Variants in CHD9 observed in about 807,000 individuals in gnomAD.
CHD9 encodes the protein chromodomain helicase DNA binding protein 9.
Under a neutral mutation model 316.1 loss-of-function variants are expected in CHD9, and 77 were observed. The observed-to-expected ratio is 0.24, with a 90% CI of 0.20 to 0.29. The LOEUF (loss-of-function observed/expected upper bound fraction) is 0.29, where lower values mean the gene tolerates loss of function less well. CHD9 is among the 10% of genes least tolerant of loss of function. CHD9 has a pLI of 1.00. For missense variants in CHD9, 2,763 were observed against 3,438.1 expected, an observed-to-expected ratio of 0.80 and a Z score of 4.91; for synonymous variants, 1,129 against 1,158.3, an observed-to-expected ratio of 0.97 and a Z score of 0.51.
chr16:53,211,079 G>T (rs774779910), intron 3 of CHD9, among the ~76,000 whole-genome samples: 47 of 151,854 alleles, frequency 3.1e-4, no homozygotes, highest in Non-Finnish European at 5.7e-4. Flanking sequence ...TATAATTAAG[G>T]GTTTCCAGTT....
chr16:53,314,625 A>G (rs2056742641), intron 35 of CHD9, 109 bp downstream of exon 35: 1 of 1,006,582 alleles, frequency 9.9e-7, no homozygotes, highest in Non-Finnish European at 1.4e-6. Flanking sequence ...TAAGGAAATT[A>G]GAAGTATGCC....
intron 3 of CHD9, among the ~76,000 whole-genome samples, chr16:53,221,499 T>C (rs1044591182): frequency 2.6e-5 from 4 of 152,224 alleles, no homozygotes; most frequent in Non-Finnish European, 5.9e-5. Flanking sequence ...AGTACGTTGC[T>C]GATTAATAAT....
In CHD9 at chr16:53,324,334, C is replaced by T. The variant is rs766161376; in HGVS notation, c.8133C>T (p.Phe2711=). The part of the protein sequence containing the change: ...GGEAKNMAAM[F]PMLLSGMAGL... ...AAGCTAAAAACATGGCTGCTATGTT[C>T]CCCATGCTGCTGTCAGGAATGGCTG... is the stretch of plus-strand genomic sequence containing the variant. The change falls in exon 39 of 39, where the codon TTC becomes TTT. Residue 2711 remains phenylalanine (F), a synonymous_variant. Coordinates refer to ENST00000447540, the MANE Select transcript of CHD9 (RefSeq NM_001308319.2). 6 of 1,613,944 alleles carry T rather than the reference C, an allele frequency of 3.7e-6. No individual in the cohort carries two copies. The Admixed American group carries it at 6.7e-5, about 18-fold the overall frequency.
intron 1 of CHD9, among the ~76,000 whole-genome samples, chr16:53,065,470 C>CA (rs977192844): frequency 7.9e-5 from 12 of 151,614 alleles, no homozygotes; most frequent in African/African-American, 2.9e-4. Flanking sequence ...CCCATCTCTA[C>CA]AAAAAAATTT....
intron 19 of CHD9, among the ~76,000 whole-genome samples, chr16:53,257,664 T>A (rs2050722030): frequency 6.6e-6 from 1 of 152,206 alleles, no homozygotes; most frequent in Non-Finnish European, 1.5e-5. Flanking sequence ...GGAGCTGTTG[T>A]ATTTATGACA....
chr16:53,178,191 C>CTGGG (rs2043215701), intron 2 of CHD9, among the ~76,000 whole-genome samples: 1 of 151,998 alleles, frequency 6.6e-6, no homozygotes, highest in Non-Finnish European at 1.5e-5. Flanking sequence ...AGAACCAGAC[C>CTGGG]CTCTAAATTG....
rs199718654 is a variant in CHD9, at chr16:53,225,301, GAAAAA to G, written c.1897-1063_1897-1059del. Among the ~76,000 whole-genome samples, 1,362 of 152,148 alleles carry G rather than the reference GAAAAA, an allele frequency of 9.0e-3. 14 individuals carry two copies. Among genetic ancestry groups the G allele is most frequent in the African/African-American group, 0.031 (1,289 of 41,512 alleles). On this transcript the variant is annotated intron_variant, in intron 4 of 38. Transcript: ENST00000447540. ...TAAATATATAGAAGAAATTGGACTA[GAAAAA>G]AGAAGAGATTTGCCAAATATTGAGC...
At chr16:53,175,576 T>C (rs2043045624) in intron 2 of CHD9, among the ~76,000 whole-genome samples, 1 of 152,262 alleles carries the variant, frequency 6.6e-6, no homozygotes, top group Non-Finnish European at 1.5e-5. Flanking sequence ...GCATAATGTT[T>C]CATAATATGG....
At chr16:53,263,646 A>G (rs923409716) in intron 20 of CHD9, among the ~76,000 whole-genome samples, 2 of 152,132 alleles carry the variant, frequency 1.3e-5, no homozygotes, top group African/African-American at 2.4e-5. Flanking sequence ...AGTCTTACCA[A>G]TTATCAAAAT....
intron 1 of CHD9, among the ~76,000 whole-genome samples, chr16:53,085,423 T>C (rs1270251865): frequency 6.6e-6 from 1 of 152,134 alleles, no homozygotes; most frequent in Admixed American, 6.5e-5. Flanking sequence ...TTGAGTTTCC[T>C]GACATCTGCC....
At chr16:53,307,032 G>A (rs750192398) in intron 32 of CHD9, among the ~76,000 whole-genome samples, 11 of 151,886 alleles carry the variant, frequency 7.2e-5, no homozygotes, top group Non-Finnish European at 1.0e-4. Flanking sequence ...CGCTTGCCTC[G>A]GCCTCCCAAA....
chr16:53,203,740 A>G (rs556194978), intron 2 of CHD9, among the ~76,000 whole-genome samples: 8 of 152,024 alleles, frequency 5.3e-5, no homozygotes, highest in Non-Finnish European at 8.8e-5. Flanking sequence ...TATGTCAAGT[A>G]GAGCCAGGCG....
chr16:53,318,374 T>G, intron 37 of CHD9, 34 bp downstream of exon 37: 1 of 1,516,614 alleles, frequency 6.6e-7, no homozygotes, highest in Non-Finnish European at 9.0e-7. Context: ...TCTTTTGTAT[T>G]GATTCAATAT....
At chr16:53,283,870 TCATC>T (rs1286750200) in intron 24 of CHD9, among the ~76,000 whole-genome samples, 4 of 152,188 alleles carry the variant, frequency 2.6e-5, no homozygotes, top group South Asian at 4.1e-4. Flanking sequence ...AAAGATCTCT[TCATC>T]CACTTCCTTA....
At chr16:53,241,177 C>A (rs1329438846) in intron 12 of CHD9, among the ~76,000 whole-genome samples, 1 of 152,060 alleles carries the variant, frequency 6.6e-6, no homozygotes, top group Non-Finnish European at 1.5e-5. Context: ...CCCAACTGTT[C>A]TTATCCCTTC....
chr16:53,201,889 T>C (rs1382331391), intron 2 of CHD9, among the ~76,000 whole-genome samples: 2 of 151,996 alleles, frequency 1.3e-5, no homozygotes, highest in Non-Finnish European at 2.9e-5. Context: ...AGGGTTTTGC[T>C]CTGTCACCCA....
chr16:53,057,812 CGCT>C (rs1447480720), intron 1 of CHD9, among the ~76,000 whole-genome samples: 3 of 152,184 alleles, frequency 2.0e-5, no homozygotes, highest in Non-Finnish European at 2.9e-5. Flanking sequence ...CAGGAGGACA[CGCT>C]GCTTTCTGGT....
At chr16:53,152,021 C>A (rs1488349156) in intron 1 of CHD9, among the ~76,000 whole-genome samples, 2 of 151,560 alleles carry the variant, frequency 1.3e-5, no homozygotes, top group African/African-American at 4.9e-5. Flanking sequence ...CACATACACA[C>A]GTGTGTGTGC....
At chr16:53,145,966 CA>C (rs1346389014) in intron 1 of CHD9, among the ~76,000 whole-genome samples, 1 of 151,838 alleles carries the variant, frequency 6.6e-6, no homozygotes, top group African/African-American at 2.4e-5. Flanking sequence ...AGACCGGTCA[CA>C]AAAAGACAAA....
Sources: gnomAD v4.1 joint callset for allele counts (sites outside exome capture counted in the v4.1 genomes callset) on GRCh38, gnomAD v4.1.1 for gene constraint, MANE v1.5 for transcripts, NCBI Gene and HGNC (gene_info 2026-07-23, HGNC 2026-07-21) for gene names.